Variants in MED15 observed in about 807,000 individuals in gnomAD.
MED15 encodes mediator complex subunit 15, also known as mediator of RNA polymerase II transcription subunit 15.
MED15 carries 41 observed loss-of-function variants against 118.7 expected under a neutral mutation model. The ratio of observed to expected loss-of-function variants is 0.35; its 90% CI spans 0.27 to 0.45. The LOEUF (loss-of-function observed/expected upper bound fraction) is 0.45, where lower values mean the gene tolerates loss of function less well. Among genes scored for constraint, MED15 ranks in the 20% least tolerant of loss-of-function variants. MED15 has a pLI of 1.00. For missense variants in MED15, 740 were observed against 1,025.5 expected (o/e 0.72, Z 3.80); for synonymous variants, 436 against 413.9 (o/e 1.05, Z -0.65).
At chr22:20,536,967 A>G (rs1432395469) in intron 1 of MED15, 150 bp from the exon 2 acceptor site, 2 of 608,532 alleles carry the variant, frequency 3.3e-6, no homozygotes, top group Non-Finnish European at 5.7e-6. Flanking sequence ...GCCCCTTCCC[A>G]TATGCCTCTC....
At chr22:20,567,904 C>G (rs1370785777) in intron 7 of MED15, among the ~76,000 whole-genome samples, 3 of 152,148 alleles carry the variant, frequency 2.0e-5, no homozygotes, top group African/African-American at 7.2e-5. Flanking sequence ...GTTTTCCAGG[C>G]TGGAGTGCAC....
At position 20,583,378 on chromosome 22, in the gene MED15, C is replaced by T; in HGVS notation, c.1721C>T (p.Thr574Ile). ...ATGAAGAGCCTTCTGGACATTCTGACAGACCCCTCGAAGCGGTGAGCTTTG... is the reference window on the plus strand; with the variant it reads ...ATGAAGAGCCTTCTGGACATTCTGATAGACCCCTCGAAGCGGTGAGCTTTG... ...SKMKSLLDIL[T>I]DPSKRCPLKT... Residue 574 changes from threonine (T) to isoleucine (I), a missense_variant, in exon 13 of 18, where the codon ACA (threonine) becomes ATA (isoleucine). By Grantham distance (89) the Thr-to-Ile change is moderately conservative. Transcript: ENST00000263205. 6.2e-7 allele frequency: 1 copy of T among 1,611,996 alleles called. No individual in the cohort carries two copies. The highest frequency in any genetic ancestry group is 8.5e-7 in the Non-Finnish European group (1 of 1,180,028).
chr22:20,561,368 A>G (rs1034569532), intron 5 of MED15, among the ~76,000 whole-genome samples: 2 of 152,052 alleles, frequency 1.3e-5, no homozygotes, highest in Admixed American at 1.3e-4. Flanking sequence ...AAAATACAAA[A>G]AGTTAGCTGG....
intron 1 of MED15, among the ~76,000 whole-genome samples, chr22:20,510,917 A>G (rs558218982): frequency 6.6e-6 from 1 of 152,258 alleles, no homozygotes; most frequent in East Asian, 1.9e-4. Flanking sequence ...GCATTCTCCT[A>G]CCACAGCCGG....
chr22:20,524,752 G>A (rs1165655459), intron 1 of MED15, among the ~76,000 whole-genome samples: 2 of 152,182 alleles, frequency 1.3e-5, no homozygotes, highest in African/African-American at 2.4e-5. Context: ...TTTTGGAGTC[G>A]CTGGGCTTAC....
chr22:20,540,662 G>A (rs1413185440), intron 2 of MED15, among the ~76,000 whole-genome samples: 2 of 152,042 alleles, frequency 1.3e-5, no homozygotes, highest in Admixed American at 1.3e-4. Flanking sequence ...GAAAGCAGAG[G>A]CGTACATCTT....
rs634112 is a variant in MED15 at position 20,559,929 on chromosome 22, G to A, written c.452-4521G>A. On this transcript the variant is annotated intron_variant, in intron 5 of 17. Transcript: ENST00000263205. ...ATGGGAAAAGAAACGTTGAGCATAGGTGATAGTAAATGTGTATAAATCTAA... is the reference window on the plus strand; with the variant it reads ...ATGGGAAAAGAAACGTTGAGCATAGATGATAGTAAATGTGTATAAATCTAA... 6.2e-3 allele frequency among the ~76,000 whole-genome samples: 937 copies of A among 152,308 alleles called. 10 individuals are homozygous for A. The highest frequency in any genetic ancestry group is 0.021 in the African/African-American group (891 of 41,550).
chr22:20,574,801 A>T (rs2056773514), intron 8 of MED15: 1 of 289,698 alleles, frequency 3.5e-6, no homozygotes, highest in South Asian at 4.7e-5. Context: ...GGGCTATAGG[A>T]TTCTGATCTG....
chr22:20,549,629 G>A (rs1266240950), intron 2 of MED15, among the ~76,000 whole-genome samples: 1 of 152,148 alleles, frequency 6.6e-6, no homozygotes, highest in African/African-American at 2.4e-5. Flanking sequence ...TTGGGGGAAT[G>A]TAGGAAGTAT....
intron 9 of MED15, chr22:20,582,295 G>C: frequency 2.1e-6 from 1 of 467,422 alleles, no homozygotes; most frequent in Non-Finnish European, 3.8e-6. Context: ...TGCCAGCCAA[G>C]GGCATTGCCT....
At chr22:20,566,944 C>G in intron 7 of MED15, 127 bp downstream of exon 7, 1 of 1,483,064 alleles carries the variant, frequency 6.7e-7, no homozygotes, top group Non-Finnish European at 9.0e-7. Context: ...CAGCCCCCAC[C>G]CCTTGCCAGC....
chr22:20,513,978 C>T (rs1384296106), intron 1 of MED15, among the ~76,000 whole-genome samples: 1 of 152,202 alleles, frequency 6.6e-6, no homozygotes, highest in Non-Finnish European at 1.5e-5. Context: ...ATCCTCCCAC[C>T]TCAGCATTCC....
At chr22:20,551,139 G>A (rs769128433) in intron 2 of MED15, 6 of 590,676 alleles carry the variant, frequency 1.0e-5, no homozygotes, top group South Asian at 7.6e-5. Flanking sequence ...TGAAGAGAGG[G>A]CACTCAAGAT....
At chr22:20,547,416 A>G (rs981770732) in intron 2 of MED15, among the ~76,000 whole-genome samples, 20 of 152,170 alleles carry the variant, frequency 1.3e-4, no homozygotes, top group Non-Finnish European at 1.8e-4. Context: ...TTAGAAAAAT[A>G]TTTTAGGCTG....
chr22:20,535,872 CTTTTTTTTTTTTT>C (rs536712415), intron 1 of MED15, among the ~76,000 whole-genome samples: 3 of 98,688 alleles, frequency 3.0e-5, no homozygotes, highest in African/African-American at 7.7e-5. Flanking sequence ...TTCTTTCTTT[CTTTTTTTTTTTTT>C]TTTTTTTTTT....
At chr22:20,565,993 G>A (rs1001860164) in intron 6 of MED15, among the ~76,000 whole-genome samples, 2 of 150,720 alleles carry the variant, frequency 1.3e-5, no homozygotes, top group South Asian at 2.1e-4. Context: ...GCCCCTCCCC[G>A]TGTGAGTGAG....
chr22:20,587,556 TC>T lies in MED15; in HGVS notation c.*858del, dbSNP rs1324565081. The T allele has an allele frequency of 7.4e-5, 27 of 363,288 alleles. No homozygotes were observed. Among genetic ancestry groups the T allele is most frequent in the Non-Finnish European group, 1.1e-4 (23 of 206,220 alleles). 22.5% of individuals were successfully genotyped at this position (363,288 alleles called of 1,614,324 possible). On this transcript the variant is annotated 3_prime_UTR_variant, in exon 18 of 18. Coordinates refer to ENST00000263205, the MANE Select transcript of MED15 (RefSeq NM_001003891.3). ...GCCAGCACCCTCTGGTGAGAAGAGG[TC>T]CCCCCTTTTTATGTGCACTACCCCA...
At chr22:20,547,689 A>C (rs1379876519) in intron 2 of MED15, among the ~76,000 whole-genome samples, 1 of 152,122 alleles carries the variant, frequency 6.6e-6, no homozygotes, top group East Asian at 1.9e-4. Flanking sequence ...ACGTGGTGGC[A>C]GGCGCCTGTA....
chr22:20,586,222 A>T (rs753151016), intron 17 of MED15, among the ~76,000 whole-genome samples: 13 of 152,162 alleles, frequency 8.5e-5, no homozygotes, highest in African/African-American at 1.4e-4. Flanking sequence ...CACAGGGCCC[A>T]ATCTGGGTGC....
Sources: allele counts gnomAD v4.1 joint callset (sites outside exome capture counted in the v4.1 genomes callset), GRCh38; gene constraint gnomAD v4.1.1; transcripts MANE v1.5; gene names NCBI Gene and HGNC (gene_info 2026-07-23, HGNC 2026-07-21).